Variants in NTRK2 observed in about 807,000 individuals in gnomAD.
NTRK2 encodes BDNF/NT-3 growth factors receptor.
A neutral mutation model predicts 94.5 loss-of-function variants in NTRK2; 13 were observed. The observed-to-expected ratio is 0.14, with a 90% CI of 0.09 to 0.22. NTRK2 has a LOEUF of 0.22. NTRK2 is among the 10% of genes least tolerant of loss of function. NTRK2 has a pLI of 1.00. For synonymous variants in NTRK2, 372 were observed against 407.4 expected, an observed-to-expected ratio of 0.91 and a Z score of 1.05; for missense variants, 639 against 1,071.2, an observed-to-expected ratio of 0.60 and a Z score of 5.63.
At chr9:84,857,926 C>T (rs1461814523) in intron 12 of NTRK2, among the ~76,000 whole-genome samples, 1 of 152,152 alleles carries the variant, frequency 6.6e-6, no homozygotes, top group Non-Finnish European at 1.5e-5. Flanking sequence ...TTCACATAGG[C>T]ACCTTGTTTG....
intron 12 of NTRK2, among the ~76,000 whole-genome samples, chr9:84,827,799 C>T (rs1273550793): frequency 2.6e-5 from 4 of 152,314 alleles, no homozygotes; most frequent in East Asian, 1.9e-4. Flanking sequence ...TTCACCTCTG[C>T]GTTTTCAGCT....
intron 17 of NTRK2, among the ~76,000 whole-genome samples, chr9:85,004,371 C>T (rs1461558512): frequency 5.3e-5 from 8 of 152,090 alleles, no homozygotes; most frequent in African/African-American, 1.9e-4. Context: ...GTCTTCATCT[C>T]CAAAGACAAA....
intron 12 of NTRK2, among the ~76,000 whole-genome samples, chr9:84,845,899 C>G (rs2074446382): frequency 6.6e-6 from 1 of 151,250 alleles, no homozygotes; most frequent in African/African-American, 2.4e-5. Context: ...CCAAAAAACA[C>G]CTGTACTCCA....
At chr9:84,794,287 C>T (rs934673525) in intron 12 of NTRK2, among the ~76,000 whole-genome samples, 6 of 152,132 alleles carry the variant, frequency 3.9e-5, no homozygotes, top group Middle Eastern at 3.2e-3. Flanking sequence ...AGCCATCACC[C>T]GAAAATGGGG....
intron 12 of NTRK2, among the ~76,000 whole-genome samples, chr9:84,852,600 T>C (rs945742919): frequency 1.3e-5 from 2 of 152,212 alleles, no homozygotes; most frequent in African/African-American, 4.8e-5. Flanking sequence ...CCAGTGAAGA[T>C]TGTGACCACC....
At chr9:84,810,906 GAA>G in intron 12 of NTRK2, 1 of 1,205,668 alleles carries the variant, frequency 8.3e-7, no homozygotes, top group Non-Finnish European at 1.0e-6. Flanking sequence ...CTTCTCTTCT[GAA>G]AAGTGTGCTT....
At chr9:84,924,229 T>TGGAAAGAA (rs1418865491) in intron 14 of NTRK2, among the ~76,000 whole-genome samples, 32 of 115,578 alleles carry the variant, frequency 2.8e-4, no homozygotes, top group African/African-American at 1.1e-3. Flanking sequence ...AGAAAGAAAG[T>TGGAAAGAA]AGAAAGAAAG....
chr9:84,720,569 G>A (rs914526946), intron 6 of NTRK2, among the ~76,000 whole-genome samples: 2 of 152,084 alleles, frequency 1.3e-5, no homozygotes, highest in Non-Finnish European at 2.9e-5. Flanking sequence ...AAATTTGTGC[G>A]ATGTTTCTAG....
chr9:84,820,321 C>T (rs1274155773), intron 12 of NTRK2, among the ~76,000 whole-genome samples: 4 of 152,010 alleles, frequency 2.6e-5, no homozygotes, highest in African/African-American at 9.7e-5. Flanking sequence ...AGGCGTGCAC[C>T]ACCACGCCTA....
At chr9:84,797,314 G>A (rs1216169649) in intron 12 of NTRK2, among the ~76,000 whole-genome samples, 4 of 151,442 alleles carry the variant, frequency 2.6e-5, no homozygotes, top group Non-Finnish European at 5.9e-5. Context: ...TACAATGGCA[G>A]AATGAGCAGT....
At chr9:84,743,494 T>C (rs1324659316) in intron 10 of NTRK2, among the ~76,000 whole-genome samples, 1 of 152,214 alleles carries the variant, frequency 6.6e-6, no homozygotes, top group African/African-American at 2.4e-5. Flanking sequence ...TTCCAAGCTG[T>C]GGTTTGGTTG....
chr9:84,702,505 T>C, intron 4 of NTRK2, 86 bp downstream of exon 4: 3 of 1,114,656 alleles, frequency 2.7e-6, no homozygotes, highest in South Asian at 2.5e-5. Flanking sequence ...TTTTCCAACT[T>C]GAAACCTCCC....
intron 18 of NTRK2, among the ~76,000 whole-genome samples, chr9:85,020,835 C>T (rs1046200971): frequency 6.6e-6 from 1 of 152,160 alleles, no homozygotes; most frequent in Non-Finnish European, 1.5e-5. Flanking sequence ...CTTGATCAGG[C>T]ACCGTACATC....
chr9:84,693,021 G>A (rs546497158), intron 2 of NTRK2, among the ~76,000 whole-genome samples: 2 of 152,314 alleles, frequency 1.3e-5, no homozygotes, highest in East Asian at 1.9e-4. Context: ...AGCACAGCTC[G>A]TGGTTGCCAG....
At chr9:84,951,481 AATG>A (rs775016045) in intron 16 of NTRK2, among the ~76,000 whole-genome samples, 53 of 152,276 alleles carry the variant, frequency 3.5e-4, no homozygotes, top group Non-Finnish European at 6.8e-4. Flanking sequence ...AAGAAATACA[AATG>A]TGCTCACCTG....
At chr9:84,988,522 C>T (rs1828646108) in intron 17 of NTRK2, among the ~76,000 whole-genome samples, 1 of 152,148 alleles carries the variant, frequency 6.6e-6, no homozygotes, top group Admixed American at 6.5e-5. Flanking sequence ...AGACAATTCT[C>T]CCATCATGTT....
chr9:84,759,880 T>C (rs2065399186), intron 12 of NTRK2, among the ~76,000 whole-genome samples: 1 of 152,226 alleles, frequency 6.6e-6, no homozygotes, highest in Non-Finnish European at 1.5e-5. Flanking sequence ...GGAAAAGCTT[T>C]TCAGAATTTA....
chr9:84,853,308 G>A (rs1345783953), intron 12 of NTRK2, among the ~76,000 whole-genome samples: 2 of 152,132 alleles, frequency 1.3e-5, no homozygotes, highest in African/African-American at 4.8e-5. Flanking sequence ...GGGGGAAGTG[G>A]CTCACTCAAG....
At chr9:84,926,149 CCTTCCTTCCTTCCTTCCTTCCTTTCTTT>C (rs2077774702) in intron 14 of NTRK2, among the ~76,000 whole-genome samples, 274 of 88,856 alleles carry the variant, frequency 3.1e-3, no homozygotes, top group Middle Eastern at 0.01. Context: ...TTCCTTCCTT[CCTTCCTTCCTTCCTTCCTTCCTTTCTTT>C]CTTTCTTTCT....
Sources: gnomAD v4.1 joint callset for allele counts (sites outside exome capture counted in the v4.1 genomes callset) on GRCh38, gnomAD v4.1.1 for gene constraint, MANE v1.5 for transcripts, NCBI Gene and HGNC (gene_info 2026-07-23, HGNC 2026-07-21) for gene names.